WWOX: variants seen among roughly 807,000 people sequenced by gnomAD.
WWOX encodes the protein WW domain-containing oxidoreductase.
WWOX carries 69 observed loss-of-function variants against 46.2 expected under a neutral mutation model. The ratio of observed to expected loss-of-function variants is 1.49; its 90% CI spans 1.23 to 1.82. The LOEUF (loss-of-function observed/expected upper bound fraction) is 1.82, where lower values mean the gene tolerates loss of function less well. WWOX is among the 40% of genes most tolerant of loss of function. WWOX has a pLI of 0.00. For missense variants in WWOX, 919 were observed against 542.6 expected (o/e 1.69, Z -6.89); for synonymous variants, 359 against 202.6 (o/e 1.77, Z -6.56).
At chr16:78,386,142 G>A (rs1268565048) in intron 5 of WWOX, among the ~76,000 whole-genome samples, 6 of 152,194 alleles carry the variant, frequency 3.9e-5, no homozygotes, top group Admixed American at 2.0e-4. Context: ...TCTCTTGTAA[G>A]ATGCTGCATT....
chr16:79,187,087 G>C (rs1217723192), intron 8 of WWOX, among the ~76,000 whole-genome samples: 1 of 152,152 alleles, frequency 6.6e-6, no homozygotes, highest in Non-Finnish European at 1.5e-5. Context: ...GTGTTTGTTA[G>C]GGGGGTCATT....
intron 5 of WWOX, among the ~76,000 whole-genome samples, chr16:78,356,273 C>G (rs2081288838): frequency 6.6e-6 from 1 of 151,784 alleles, no homozygotes. Context: ...ACATATATAT[C>G]ACATTTCTTT....
intron 8 of WWOX, among the ~76,000 whole-genome samples, chr16:78,692,287 T>C (rs1567494858): frequency 6.6e-6 from 1 of 152,256 alleles, no homozygotes; most frequent in African/African-American, 2.4e-5. Context: ...CAACAACTTT[T>C]GTTTTCCAAT....
At chr16:78,993,884 G>A (rs1015177030) in intron 8 of WWOX, among the ~76,000 whole-genome samples, 1 of 152,138 alleles carries the variant, frequency 6.6e-6, no homozygotes, top group African/African-American at 2.4e-5. Context: ...TGTTCCTTTC[G>A]TGTCCGTTGG....
rs2044181020 is a variant in WWOX at position 78,873,967 on chromosome 16, A to C, written c.1057-337641A>C. 1.3e-5 allele frequency among the ~76,000 whole-genome samples: 2 copies of C among 152,002 alleles called. 1 individual carries two copies. The highest frequency in any genetic ancestry group is 2.9e-5 in the Non-Finnish European group (2 of 67,996). On this transcript the variant is annotated intron_variant, in intron 8 of 8. Transcript: ENST00000566780. The stretch of plus-strand genomic sequence containing the variant: ...TGTAACTACCCACAGTAATCAAGTT[A>C]AAGAAAGGTTCTGGCTGAGCACGGT...
At chr16:79,089,950 A>G (rs2048923987) in intron 8 of WWOX, 1 of 149,014 alleles carries the variant, frequency 6.7e-6, no homozygotes, top group Admixed American at 6.8e-5. Flanking sequence ...AAACCGAAAG[A>G]GTGAACACTG....
chr16:78,954,568 C>T (rs896880619), intron 8 of WWOX, among the ~76,000 whole-genome samples: 5 of 152,066 alleles, frequency 3.3e-5, no homozygotes, highest in African/African-American at 4.8e-5. Flanking sequence ...GGAGCAGCAG[C>T]GAAGGCCAAG....
intron 8 of WWOX, among the ~76,000 whole-genome samples, chr16:78,912,829 C>T (rs1287786642): frequency 1.3e-5 from 2 of 151,910 alleles, no homozygotes; most frequent in African/African-American, 2.4e-5. Flanking sequence ...AAGGTTCTCC[C>T]TCAAGAGGTC....
intron 8 of WWOX, among the ~76,000 whole-genome samples, chr16:79,013,636 C>G (rs937511722): frequency 1.3e-5 from 2 of 152,042 alleles, no homozygotes; most frequent in Non-Finnish European, 2.9e-5. Flanking sequence ...GCCTGGGTCC[C>G]GGGTCTCCTC....
chr16:78,802,289 G>T (rs1040687628), intron 8 of WWOX, among the ~76,000 whole-genome samples: 3 of 149,446 alleles, frequency 2.0e-5, no homozygotes, highest in Non-Finnish European at 4.4e-5. Context: ...ATATTTAACG[G>T]GTGTTTCATT....
intron 8 of WWOX, among the ~76,000 whole-genome samples, chr16:78,853,117 G>A (rs148358441): frequency 5.1e-4 from 78 of 152,262 alleles, no homozygotes; most frequent in African/African-American, 1.8e-3. Context: ...TTAATTTGTT[G>A]CATAACAATA....
intron 5 of WWOX, among the ~76,000 whole-genome samples, chr16:78,318,192 G>C (rs943209680): frequency 1.3e-5 from 2 of 151,840 alleles, no homozygotes; most frequent in Admixed American, 1.3e-4. Context: ...ACTTCCCGGG[G>C]GCAGAGGACC....
chr16:78,875,414 C>T (rs2151207817), intron 8 of WWOX, among the ~76,000 whole-genome samples: 1 of 152,252 alleles, frequency 6.6e-6, no homozygotes, highest in East Asian at 1.9e-4. Flanking sequence ...TTCTCTAATT[C>T]TCGAGTGTCT....
intron 8 of WWOX, among the ~76,000 whole-genome samples, chr16:78,836,395 C>T (rs906900427): frequency 3.9e-5 from 6 of 152,134 alleles, no homozygotes; most frequent in Non-Finnish European, 8.8e-5. Flanking sequence ...GCAGTGGTTT[C>T]CCTGGGATTG....
intron 8 of WWOX, among the ~76,000 whole-genome samples, chr16:78,517,054 T>C (rs940453478): frequency 1.3e-5 from 2 of 152,338 alleles, no homozygotes; most frequent in Admixed American, 6.5e-5. Flanking sequence ...ATATAGTTTT[T>C]AAAGTTTTAT....
chr16:78,780,019 T>C (rs538402318), intron 8 of WWOX, among the ~76,000 whole-genome samples: 1 of 152,216 alleles, frequency 6.6e-6, no homozygotes, highest in East Asian at 1.9e-4. Context: ...ACATAGTCAA[T>C]GGCAGTACCC....
chr16:78,896,771 G>A (rs1007268824), intron 8 of WWOX: 22 of 152,012 alleles, frequency 1.4e-4, no homozygotes, highest in African/African-American at 5.3e-4. Flanking sequence ...GTGTGTGTGA[G>A]AGAGAGAGAA....
chr16:78,355,606 G>C, intron 5 of WWOX: 1 of 552,764 alleles, frequency 1.8e-6, no homozygotes, highest in Non-Finnish European at 3.6e-6. Context: ...GCCCAGAGGA[G>C]CGAATTTGTG....
intron 8 of WWOX, among the ~76,000 whole-genome samples, chr16:78,888,515 C>G (rs972680098): frequency 6.6e-6 from 1 of 152,178 alleles, no homozygotes; most frequent in Non-Finnish European, 1.5e-5. Context: ...GAAAGCCTTT[C>G]TCAGGATCCC....
Sources: gnomAD v4.1 joint callset for allele counts (sites outside exome capture counted in the v4.1 genomes callset) on GRCh38, gnomAD v4.1.1 for gene constraint, MANE v1.5 for transcripts, NCBI Gene and HGNC (gene_info 2026-07-23, HGNC 2026-07-21) for gene names.